FAM200B: variants seen among roughly 807,000 people sequenced by gnomAD.
FAM200B encodes the protein zinc finger BED-type containing 11, also known as protein FAM200B.
In FAM200B, 32 loss-of-function variants were observed where a neutral mutation model predicts 33.1. That is an observed-to-expected ratio of 0.97 (90% CI 0.73 to 1.30). FAM200B has a LOEUF of 1.30. Among genes scored for constraint, FAM200B ranks in the 50% most tolerant of loss-of-function variants. The pLI is 0.00. For synonymous variants in FAM200B, 240 were observed against 264.8 expected, an observed-to-expected ratio of 0.91 and a Z score of 0.91; for missense variants, 741 against 754.0, an observed-to-expected ratio of 0.98 and a Z score of 0.20.
upstream of FAM200B, among the ~76,000 whole-genome samples, chr4:15,677,480 G>A (rs572213637): frequency 6.6e-6 from 1 of 152,270 alleles, no homozygotes; most frequent in Admixed American, 6.5e-5. Flanking sequence ...AAACCAACTA[G>A]GTGTTTACAG....
the FAM200B span, among the ~76,000 whole-genome samples, chr4:15,663,170 C>T: frequency 6.6e-6 from 1 of 152,000 alleles, no homozygotes; most frequent in African/African-American, 2.4e-5. Flanking sequence ...TTTATATATA[C>T]CATAATATTT....
chr4:15,680,346 A>C (rs1329221383), upstream of FAM200B, among the ~76,000 whole-genome samples: 1 of 152,200 alleles, frequency 6.6e-6, no homozygotes, highest in African/African-American at 2.4e-5. Context: ...TGTAAAAGAA[A>C]TATTTGCTAA....
chr4:15,688,323 A>G lies in FAM200B; in HGVS notation c.1346A>G (p.Lys449Arg). 1 of 1,550,634 alleles carries G rather than the reference A, an allele frequency of 6.4e-7. No homozygotes were observed. The highest frequency in any genetic ancestry group is 2.4e-5 in the East Asian group (1 of 40,842). ...GAACTGAGTTTAAAACTACAGGGGA[A>G]AAACAGTGATGTATTCCAACATGTT... ...LNELSLKLQG[K>R]NSDVFQHVER... is the part of the protein sequence containing the mutation. Residue 449 changes from lysine (K) to arginine (R), a missense_variant, in exon 2 of 2, where the codon AAA (lysine) becomes AGA (arginine). Transcript: ENST00000422728.
intron 1 of FAM200B, among the ~76,000 whole-genome samples, chr4:15,683,464 A>G (rs1451740951): frequency 6.6e-6 from 1 of 152,234 alleles, no homozygotes; most frequent in African/African-American, 2.4e-5. Context: ...TAGTGTTACA[A>G]ACTTTCAAGG....
the FAM200B span, among the ~76,000 whole-genome samples, chr4:15,645,868 T>G: frequency 6.6e-6 from 1 of 152,212 alleles, no homozygotes; most frequent in African/African-American, 2.4e-5. Flanking sequence ...AATTCATACA[T>G]TTTTTACTCT....
the FAM200B span, among the ~76,000 whole-genome samples, chr4:15,662,602 A>G: frequency 6.6e-6 from 1 of 152,222 alleles, no homozygotes; most frequent in Non-Finnish European, 1.5e-5. Flanking sequence ...AAAAAGCTCT[A>G]CTTGGATAAT....
the FAM200B span, among the ~76,000 whole-genome samples, chr4:15,662,686 C>G: frequency 4.6e-5 from 7 of 152,224 alleles, no homozygotes; most frequent in South Asian, 1.5e-3. Context: ...CAATATCATT[C>G]TAGAGGTAGT....
chr4:15,656,499 G>A, the FAM200B span, among the ~76,000 whole-genome samples: 1 of 152,198 alleles, frequency 6.6e-6, no homozygotes, highest in Admixed American at 6.5e-5. Context: ...AGACAACATG[G>A]GGATCAGTAA....
At chr4:15,655,490 C>CGCCG in the FAM200B span, 1 of 658,274 alleles carries the variant, frequency 1.5e-6, no homozygotes, top group Non-Finnish European at 1.9e-6. Flanking sequence ...CGGGCGCGCG[C>CGCCG]AGAGGCTCGC....
At chr4:15,684,626 A>T (rs1718655606) in intron 1 of FAM200B, 2 of 152,242 alleles carry the variant, frequency 1.3e-5, no homozygotes, top group Non-Finnish European at 2.9e-5. Context: ...GCAGCTGTTT[A>T]TCTGGCTTAG....
At chr4:15,663,086 G>A in the FAM200B span, among the ~76,000 whole-genome samples, 1 of 152,164 alleles carries the variant, frequency 6.6e-6, no homozygotes. Flanking sequence ...TATTATTTGT[G>A]AAGAATTACA....
At chr4:15,646,683 C>T in the FAM200B span, among the ~76,000 whole-genome samples, 86 of 150,376 alleles carry the variant, frequency 5.7e-4, no homozygotes, top group Non-Finnish European at 1.2e-3. Flanking sequence ...TCTCCCAATG[C>T]TATCCCTCCC....
chr4:15,650,060 C>T, the FAM200B span, among the ~76,000 whole-genome samples: 1 of 152,148 alleles, frequency 6.6e-6, no homozygotes, highest in Non-Finnish European at 1.5e-5. Flanking sequence ...GTAATTTTGC[C>T]ACCCCACTAC....
chr4:15,666,050 A>T, the FAM200B span, among the ~76,000 whole-genome samples: 12 of 151,822 alleles, frequency 7.9e-5, no homozygotes, highest in African/African-American at 2.7e-4. Context: ...CCATTTCCTC[A>T]TCTTGTTCTT....
At chr4:15,678,398 A>C (rs1718070290), upstream of FAM200B, among the ~76,000 whole-genome samples, 1 of 152,254 alleles carries the variant, frequency 6.6e-6, no homozygotes, top group African/African-American at 2.4e-5. Flanking sequence ...AAACAAAAAC[A>C]AATGAAAACT....
chr4:15,655,924 C>T, the FAM200B span, among the ~76,000 whole-genome samples: 2 of 152,236 alleles, frequency 1.3e-5, no homozygotes, highest in Non-Finnish European at 2.9e-5. Context: ...GAGCTGCGGG[C>T]TCTGAGAGCT....
chr4:15,655,330 C>CGCGGTG, the FAM200B span: 1 of 1,347,110 alleles, frequency 7.4e-7, no homozygotes, highest in Non-Finnish European at 9.8e-7. Context: ...CGGCCGCCGC[C>CGCGGTG]TCTCCATAGA....
chr4:15,646,366 A>G, the FAM200B span, among the ~76,000 whole-genome samples: 9 of 90,576 alleles, frequency 9.9e-5, no homozygotes, highest in Non-Finnish European at 5.1e-5. Flanking sequence ...TACATATTAT[A>G]GATTTTTTTT....
At chr4:15,684,116 G>T (rs73224650) in intron 1 of FAM200B, among the ~76,000 whole-genome samples, 14,124 of 152,208 alleles carry the variant, frequency 0.093, 791 homozygotes, top group Non-Finnish European at 0.13. Context: ...CCATGTAGCC[G>T]CAGGAGCCAA....
Sources: gnomAD v4.1 joint callset for allele counts (sites outside exome capture counted in the v4.1 genomes callset) on GRCh38, gnomAD v4.1.1 for gene constraint, MANE v1.5 for transcripts, NCBI Gene and HGNC (gene_info 2026-07-23, HGNC 2026-07-21) for gene names.